The following ASB3 variants were observed in gnomAD, a reference collection of about 807,000 sequenced individuals.
The protein encoded by ASB3 is ankyrin repeat and SOCS box containing 3.
A neutral mutation model predicts 54.5 loss-of-function variants in ASB3; 41 were observed. That is an observed-to-expected ratio of 0.75 (90% CI 0.59 to 0.98). ASB3 has a LOEUF of 0.98. Among genes scored for constraint, ASB3 ranks in the 50% least tolerant of loss-of-function variants. ASB3 has a pLI of 0.00. For synonymous variants in ASB3, 266 were observed against 221.2 expected, an observed-to-expected ratio of 1.20 and a Z score of -1.80; for missense variants, 733 against 620.0, an observed-to-expected ratio of 1.18 and a Z score of -1.94.
At chr2:53,729,712 A>T in intron 3 of ASB3, 142 bp from the exon 4 acceptor site, 2 of 653,268 alleles carry the variant, frequency 3.1e-6, no homozygotes, top group South Asian at 4.1e-5. Flanking sequence ...CAATTGTCTT[A>T]GCCCAAATCC....
chr2:53,760,338 C>G (rs1369335769), intron 2 of ASB3, among the ~76,000 whole-genome samples: 1 of 152,140 alleles, frequency 6.6e-6, no homozygotes, highest in Admixed American at 6.5e-5. Flanking sequence ...ATTTTTGGCT[C>G]TACAGAAACC....
At chr2:53,739,242 C>T (rs1300802492) in intron 3 of ASB3, among the ~76,000 whole-genome samples, 1 of 152,142 alleles carries the variant, frequency 6.6e-6, no homozygotes, top group Non-Finnish European at 1.5e-5. Flanking sequence ...AAACTAGAAG[C>T]AGCCTTTGAC....
At chr2:53,774,554 C>G in intron 1 of ASB3, 1 of 1,448,196 alleles carries the variant, frequency 6.9e-7, no homozygotes, top group East Asian at 2.3e-5. Context: ...AACTTCAGTG[C>G]ACAATGACAA....
At chr2:53,712,158 C>T (rs1398814049) in intron 7 of ASB3, among the ~76,000 whole-genome samples, 1 of 151,478 alleles carries the variant, frequency 6.6e-6, no homozygotes, top group Non-Finnish European at 1.5e-5. Flanking sequence ...TGCAGTTATC[C>T]CAGACACAGC....
chr2:53,753,225 T>C (rs940340465), intron 2 of ASB3, among the ~76,000 whole-genome samples: 20 of 152,208 alleles, frequency 1.3e-4, no homozygotes, highest in African/African-American at 4.8e-4. Flanking sequence ...ACTGTAAGAC[T>C]AAAGACAAAA....
chr2:53,697,463 G>A (rs557317082), intron 8 of ASB3, among the ~76,000 whole-genome samples: 17 of 151,866 alleles, frequency 1.1e-4, no homozygotes, highest in African/African-American at 3.1e-4. Context: ...GACTTGCCCC[G>A]AATTCTTTCT....
chr2:53,736,428 G>A (rs1671630846), intron 3 of ASB3, among the ~76,000 whole-genome samples: 5 of 152,218 alleles, frequency 3.3e-5, no homozygotes, highest in Admixed American at 3.3e-4. Flanking sequence ...GCCAGGTGCG[G>A]TGGCTCACGC....
At chr2:53,718,776 AG>A (rs1318043461) in intron 5 of ASB3, among the ~76,000 whole-genome samples, 1 of 151,866 alleles carries the variant, frequency 6.6e-6, no homozygotes, top group Non-Finnish European at 1.5e-5. Flanking sequence ...AAAAAAAAAA[AG>A]AAAGAAAAAA....
intron 2 of ASB3, among the ~76,000 whole-genome samples, chr2:53,757,617 T>C (rs1672907766): frequency 6.6e-6 from 1 of 152,212 alleles, no homozygotes; most frequent in Admixed American, 6.5e-5. Flanking sequence ...CTCTCCCAAG[T>C]ATTAGAGCAA....
chr2:53,777,928 C>A (rs1039310860), intron 1 of ASB3, among the ~76,000 whole-genome samples: 1 of 152,020 alleles, frequency 6.6e-6, no homozygotes, highest in African/African-American at 2.4e-5. Flanking sequence ...GGGTGGATCG[C>A]CTGAAGTCAG....
chr2:53,755,745 G>C (rs1323884471), intron 2 of ASB3, among the ~76,000 whole-genome samples: 1 of 152,212 alleles, frequency 6.6e-6, no homozygotes, highest in Non-Finnish European at 1.5e-5. Context: ...AAGAGGAAGA[G>C]GTTGAAAGGC....
intron 9 of ASB3, 125 bp downstream of exon 9, chr2:53,693,759 A>T (rs1669040301): frequency 2.2e-5 from 30 of 1,371,468 alleles, no homozygotes; most frequent in Non-Finnish European, 2.9e-5. Flanking sequence ...TTCCTCACAT[A>T]AGAAAATGCA....
chr2:53,716,211 G>T (rs1670379146), intron 6 of ASB3, among the ~76,000 whole-genome samples: 1 of 152,168 alleles, frequency 6.6e-6, no homozygotes, highest in African/African-American at 2.4e-5. Flanking sequence ...GGTCAGAGAG[G>T]TAACATGGAT....
intron 2 of ASB3, among the ~76,000 whole-genome samples, chr2:53,762,001 A>C (rs149131864): frequency 2.3e-4 from 35 of 152,380 alleles, no homozygotes; most frequent in African/African-American, 8.4e-4. Flanking sequence ...GTTTTCACTC[A>C]AGAGAGCAGA....
At chr2:53,736,518 G>A (rs1460114305) in intron 3 of ASB3, among the ~76,000 whole-genome samples, 1 of 151,768 alleles carries the variant, frequency 6.6e-6, no homozygotes, top group Non-Finnish European at 1.5e-5. Flanking sequence ...CTAACACGGT[G>A]AAACCCTGTC....
intron 3 of ASB3, among the ~76,000 whole-genome samples, chr2:53,742,127 C>T (rs1012082377): frequency 1.3e-5 from 2 of 152,202 alleles, no homozygotes; most frequent in African/African-American, 4.8e-5. Context: ...AAAAGAATCA[C>T]ACAAAGTGGT....
At chr2:53,765,135 A>G (rs901522181) in intron 2 of ASB3, among the ~76,000 whole-genome samples, 4 of 152,212 alleles carry the variant, frequency 2.6e-5, no homozygotes, top group African/African-American at 9.6e-5. Context: ...CATATCACCT[A>G]GCTCAGTCAA....
chr2:53,772,544 C>T (rs1285450713), intron 1 of ASB3, among the ~76,000 whole-genome samples: 4 of 151,576 alleles, frequency 2.6e-5, no homozygotes, highest in Non-Finnish European at 4.4e-5. Context: ...ACGGAAATAC[C>T]TGCCCCCGAC....
intron 2 of ASB3, among the ~76,000 whole-genome samples, chr2:53,753,739 C>T (rs1428137081): frequency 2.6e-5 from 4 of 151,576 alleles, no homozygotes; most frequent in Non-Finnish European, 5.9e-5. Context: ...CAGGTTCAAG[C>T]GATTCTCCTG....
Sources: gnomAD v4.1 joint callset for allele counts (sites outside exome capture counted in the v4.1 genomes callset) on GRCh38, gnomAD v4.1.1 for gene constraint, MANE v1.5 for transcripts, NCBI Gene and HGNC (gene_info 2026-07-23, HGNC 2026-07-21) for gene names.